Variants in DSCAM observed in about 807,000 individuals in gnomAD.
DSCAM encodes the protein DS cell adhesion molecule, also known as cell adhesion molecule DSCAM.
A neutral mutation model predicts 217.7 loss-of-function variants in DSCAM; 47 were observed. That is an observed-to-expected ratio of 0.22 (90% CI 0.17 to 0.28). DSCAM has a LOEUF of 0.28. Ranked by LOEUF, DSCAM falls within the 10% of genes least tolerant of loss-of-function variation. DSCAM has a pLI of 1.00. For missense variants in DSCAM, 2,080 were observed against 2,618.3 expected (o/e 0.79, Z 4.49); for synonymous variants, 1,056 against 1,015.3 (o/e 1.04, Z -0.76).
At chr21:40,809,972 T>C (rs1289670485) in intron 1 of DSCAM, among the ~76,000 whole-genome samples, 1 of 152,166 alleles carries the variant, frequency 6.6e-6, no homozygotes, top group African/African-American at 2.4e-5. Context: ...ATTGCACCAT[T>C]GCCTCCTGAC....
At chr21:40,514,510 CT>C (rs147155592) in intron 3 of DSCAM, among the ~76,000 whole-genome samples, 6,008 of 152,212 alleles carry the variant, frequency 0.039, 250 homozygotes, top group East Asian at 0.2. Flanking sequence ...GGTTGTTTTC[CT>C]TTTTGACATT....
At chr21:40,654,703 C>A (rs1601825173) in intron 3 of DSCAM, among the ~76,000 whole-genome samples, 1 of 152,112 alleles carries the variant, frequency 6.6e-6, no homozygotes, top group Non-Finnish European at 1.5e-5. Flanking sequence ...GCGGAGTTTT[C>A]CTCACATCTC....
chr21:40,717,784 TTC>T (rs2146500799), intron 1 of DSCAM, among the ~76,000 whole-genome samples: 1 of 152,390 alleles, frequency 6.6e-6, no homozygotes, highest in East Asian at 1.9e-4. Context: ...TTTAAGTGGA[TTC>T]TTTTTATGGT....
chr21:40,670,650 G>T (rs368431075), intron 3 of DSCAM, among the ~76,000 whole-genome samples: 1 of 152,030 alleles, frequency 6.6e-6, no homozygotes, highest in East Asian at 1.9e-4. Context: ...GATTGTTGTG[G>T]CATATGTCAG....
intron 3 of DSCAM, among the ~76,000 whole-genome samples, chr21:40,662,274 C>G (rs975384424): frequency 6.6e-6 from 1 of 152,028 alleles, no homozygotes; most frequent in South Asian, 2.1e-4. Context: ...ACCTTCAGTT[C>G]TCTACATTTT....
intron 8 of DSCAM, among the ~76,000 whole-genome samples, chr21:40,324,063 A>C (rs1337740616): frequency 7.3e-6 from 1 of 137,472 alleles, no homozygotes; most frequent in Non-Finnish European, 1.5e-5. Context: ...ATATTGTGCC[A>C]TTACACTCCA....
intron 3 of DSCAM, among the ~76,000 whole-genome samples, chr21:40,549,321 C>T (rs150659804): frequency 5.9e-5 from 9 of 152,290 alleles, no homozygotes; most frequent in Non-Finnish European, 1.2e-4. Flanking sequence ...TGACTGAGTT[C>T]CAAACAGACC....
intron 8 of DSCAM, among the ~76,000 whole-genome samples, chr21:40,319,967 C>A (rs1260993982): frequency 6.6e-6 from 1 of 152,196 alleles, no homozygotes; most frequent in African/African-American, 2.4e-5. Context: ...CCAAACACTG[C>A]ATGTTCTCAC....
In DSCAM at chr21:40,078,927, G is replaced by A. The variant is rs199555820; in HGVS notation, c.4471C>T (p.Arg1491Cys). 2.8e-5 allele frequency: 45 copies of A among 1,614,116 alleles called. 1 individual carries two copies. Among genetic ancestry groups the A allele is most frequent in the South Asian group, 1.9e-4 (17 of 91,086 alleles). Residue 1491 changes from arginine to cysteine, a missense_variant, in exon 26 of 33, where the codon CGC becomes TGC. By Grantham distance (180) the Arg-to-Cys change is radical. Coordinates refer to ENST00000400454, the MANE Select transcript of DSCAM (RefSeq NM_001389.5). The stretch of plus-strand genomic sequence containing the variant: ...CAGCCAATGAGGTTCAGCCTCACGC[G>A]TGTGGTGTTGATGCTGGCAAACAGC... Reference protein sequence around the residue: ...QELFASINTTRVRLNLIGWND... With the variant: ...QELFASINTTCVRLNLIGWND...
At chr21:40,156,511 C>T (rs979107691) in intron 16 of DSCAM, among the ~76,000 whole-genome samples, 5 of 152,148 alleles carry the variant, frequency 3.3e-5, no homozygotes, top group African/African-American at 1.2e-4. Context: ...TTCCTGAGTG[C>T]TTTACATCTG....
chr21:40,144,414 G>C lies in DSCAM; in HGVS notation c.3259+77C>G. Reference sequence around the variant, plus strand: ...AAGTCGTGGGGCGGGGGAGTGCGAGGTTGGGGGAGCCCCGGGGCAGACCCG... The same window carrying C: ...AAGTCGTGGGGCGGGGGAGTGCGAGCTTGGGGGAGCCCCGGGGCAGACCCG... On this transcript the variant is annotated intron_variant, in intron 17 of 32. Coordinates refer to ENST00000400454, the MANE Select transcript of DSCAM (RefSeq NM_001389.5). This position sits in a 1 kb window ranked among gnomAD's most constrained non-coding sequence, Gnocchi z 4.8. 1 of 1,582,486 alleles carries C rather than the reference G, an allele frequency of 6.3e-7. No individual in the cohort carries two copies. Among genetic ancestry groups the C allele is most frequent in the East Asian group, 2.2e-5 (1 of 44,446 alleles).
chr21:40,711,904 T>C (rs78128909), intron 1 of DSCAM, among the ~76,000 whole-genome samples: 1 of 152,306 alleles, frequency 6.6e-6, no homozygotes, highest in African/African-American at 2.4e-5. Flanking sequence ...CAACTCTTCC[T>C]CTGAGCATCT....
intron 3 of DSCAM, among the ~76,000 whole-genome samples, chr21:40,390,553 C>A (rs1425599818): frequency 6.6e-6 from 1 of 152,104 alleles, no homozygotes; most frequent in Non-Finnish European, 1.5e-5. Flanking sequence ...TAAATGATAG[C>A]AGGGTATTCT....
chr21:40,445,734 T>C (rs1167504495), intron 3 of DSCAM, among the ~76,000 whole-genome samples: 1 of 152,186 alleles, frequency 6.6e-6, no homozygotes, highest in African/African-American at 2.4e-5. Flanking sequence ...CTCTGAAGAA[T>C]CCTCATCTCC....
intron 5 of DSCAM, among the ~76,000 whole-genome samples, chr21:40,351,996 A>G (rs1005729198): frequency 6.6e-6 from 1 of 152,148 alleles, no homozygotes; most frequent in Non-Finnish European, 1.5e-5. Flanking sequence ...ATTAGGAAGA[A>G]GTTAGATTTA....
At chr21:40,609,311 A>G (rs1443033687) in intron 3 of DSCAM, among the ~76,000 whole-genome samples, 1 of 152,204 alleles carries the variant, frequency 6.6e-6, no homozygotes. Flanking sequence ...ATGGGTTTAG[A>G]AAGAGTGAAA....
At chr21:40,274,328 G>A (rs567749099) in intron 11 of DSCAM, among the ~76,000 whole-genome samples, 2 of 152,244 alleles carry the variant, frequency 1.3e-5, no homozygotes, top group South Asian at 4.1e-4. Flanking sequence ...CATGATCCAT[G>A]TGACTCTTCA....
intron 1 of DSCAM, among the ~76,000 whole-genome samples, chr21:40,789,226 C>G (rs191663950): frequency 6.8e-6 from 1 of 147,384 alleles, no homozygotes; most frequent in South Asian, 2.2e-4. Context: ...TTCAGGACGA[C>G]GAGGAAAGAT....
At chr21:40,204,083 A>C (rs2091098704) in intron 11 of DSCAM, among the ~76,000 whole-genome samples, 1 of 152,194 alleles carries the variant, frequency 6.6e-6, no homozygotes, top group Non-Finnish European at 1.5e-5. Context: ...ACTTTTGTTA[A>C]CTTGTTTTGA....
Sources: allele counts gnomAD v4.1 joint callset (sites outside exome capture counted in the v4.1 genomes callset), GRCh38; gene constraint gnomAD v4.1.1; non-coding constraint Gnocchi (gnomAD v3.1); transcripts MANE v1.5; gene names NCBI Gene and HGNC (gene_info 2026-07-23, HGNC 2026-07-21).